Variants in CLPB observed in about 807,000 individuals in gnomAD.
CLPB encodes ClpB family mitochondrial disaggregase, also known as mitochondrial disaggregase.
Under a neutral mutation model 78.4 loss-of-function variants are expected in CLPB, and 40 were observed. The ratio of observed to expected loss-of-function variants is 0.51; its 90% CI spans 0.40 to 0.66. CLPB has a LOEUF of 0.66. Ranked by LOEUF, CLPB falls within the 30% of genes least tolerant of loss-of-function variation. CLPB has a pLI of 0.00. For synonymous variants in CLPB, 333 were observed against 348.0 expected (o/e 0.96, Z 0.48); for missense variants, 780 against 886.9 (o/e 0.88, Z 1.53).
intron 4 of CLPB, among the ~76,000 whole-genome samples, chr11:72,376,922 G>A (rs1287312567): frequency 6.6e-6 from 1 of 152,004 alleles, no homozygotes; most frequent in Non-Finnish European, 1.5e-5. Flanking sequence ...TGCTTGCCTC[G>A]GCCTCCCAAT....
At chr11:72,365,062 G>T (rs1194867211) in intron 4 of CLPB, among the ~76,000 whole-genome samples, 1 of 152,194 alleles carries the variant, frequency 6.6e-6, no homozygotes, top group African/African-American at 2.4e-5. Flanking sequence ...GCTCCTACCT[G>T]TAATCCCAGC....
At chr11:72,413,331 C>T (rs1254069475) in intron 2 of CLPB, among the ~76,000 whole-genome samples, 2 of 151,766 alleles carry the variant, frequency 1.3e-5, no homozygotes, top group Non-Finnish European at 2.9e-5. Flanking sequence ...AAATAAATAG[C>T]CTTCACTCAT....
intron 5 of CLPB, among the ~76,000 whole-genome samples, chr11:72,347,111 C>T (rs924416454): frequency 2.6e-5 from 4 of 151,244 alleles, no homozygotes; most frequent in South Asian, 2.1e-4. Context: ...ATGTGGAGTA[C>T]GTGCTGGAGT....
chr11:72,324,662 T>C lies in CLPB; in HGVS notation c.873+5045A>G, dbSNP rs779817013. On this transcript the variant is annotated intron_variant, in intron 6 of 15. Coordinates refer to ENST00000538039, the MANE Select transcript of CLPB (RefSeq NM_001258392.3). Reference sequence around the variant, plus strand: ...TTAGCACTGTATCTGGCCCATACCATAGTAAGCCACAGGGCCAAGTACAGA... The same window carrying C: ...TTAGCACTGTATCTGGCCCATACCACAGTAAGCCACAGGGCCAAGTACAGA... 5.2e-4 allele frequency among the ~76,000 whole-genome samples: 79 copies of C among 152,272 alleles called. No individual in the cohort carries two copies. In the Middle Eastern group the frequency reaches 0.01, roughly 20 times the overall value.
intron 4 of CLPB, among the ~76,000 whole-genome samples, chr11:72,378,581 T>A (rs1854795893): frequency 6.6e-6 from 1 of 152,194 alleles, no homozygotes; most frequent in African/African-American, 2.4e-5. Flanking sequence ...TTCTGGGAGA[T>A]AAATTCAAGT....
chr11:72,389,564 A>G (rs975003046), intron 3 of CLPB, among the ~76,000 whole-genome samples: 1 of 152,164 alleles, frequency 6.6e-6, no homozygotes, highest in Non-Finnish European at 1.5e-5. Context: ...ATGTTTTTCT[A>G]TATCAGGACA....
intron 9 of CLPB, among the ~76,000 whole-genome samples, chr11:72,305,465 A>G (rs1212366620): frequency 2.6e-5 from 4 of 152,270 alleles, no homozygotes; most frequent in Non-Finnish European, 5.9e-5. Flanking sequence ...AGCACACAGC[A>G]TCGTCACTTG....
intron 2 of CLPB, among the ~76,000 whole-genome samples, chr11:72,418,854 C>CAAAAAAA (rs913728201): frequency 1.3e-5 from 1 of 75,256 alleles, no homozygotes; most frequent in Admixed American, 1.6e-4. Context: ...ACTCCATCTC[C>CAAAAAAA]AAAAAAAAAA....
chr11:72,370,532 C>A (rs1951023045), intron 4 of CLPB, among the ~76,000 whole-genome samples: 1 of 152,154 alleles, frequency 6.6e-6, no homozygotes, highest in Non-Finnish European at 1.5e-5. Context: ...GGGGCTGTGA[C>A]ATTATTAAAA....
intron 6 of CLPB, among the ~76,000 whole-genome samples, chr11:72,320,410 G>A (rs1950023805): frequency 6.6e-6 from 1 of 152,164 alleles, no homozygotes; most frequent in Non-Finnish European, 1.5e-5. Context: ...GGTGACAGGT[G>A]GGGTGGGGAG....
chr11:72,429,830 C>T (rs535060993), intron 2 of CLPB, among the ~76,000 whole-genome samples: 1 of 152,222 alleles, frequency 6.6e-6, no homozygotes, highest in African/African-American at 2.4e-5. Flanking sequence ...AGTCTGTCCC[C>T]GGGCAAAGCC....
At chr11:72,376,091 T>C (rs1854690464) in intron 4 of CLPB, among the ~76,000 whole-genome samples, 2 of 152,186 alleles carry the variant, frequency 1.3e-5, no homozygotes. Context: ...GTGAACTTCC[T>C]GTGAATTTGC....
At chr11:72,340,737 T>C (rs1950404961) in intron 5 of CLPB, among the ~76,000 whole-genome samples, 1 of 152,238 alleles carries the variant, frequency 6.6e-6, no homozygotes, top group Non-Finnish European at 1.5e-5. Context: ...ATCATAGCTA[T>C]AATAACACAA....
Position 72,293,142 on chromosome 11 carries a change from C to A in CLPB, c.*225G>T. 1.9e-6 allele frequency: 1 copy of A among 534,084 alleles called. No individual in the cohort carries two copies. The highest frequency in any genetic ancestry group is 3.3e-6 in the Non-Finnish European group (1 of 300,488). 33.1% of individuals were successfully genotyped at this position (534,084 alleles called of 1,614,324 possible). On this transcript the variant is annotated 3_prime_UTR_variant, in exon 16 of 16. Coordinates refer to ENST00000538039, the MANE Select transcript of CLPB (RefSeq NM_001258392.3). The stretch of plus-strand genomic sequence containing the variant: ...GGAAAGGCAGCTCCTCTCCTGAAGG[C>A]TTGTTAGCAGGTTATGGGCCCACAA...
chr11:72,372,843 G>T, intron 4 of CLPB: 1 of 1,258,610 alleles, frequency 7.9e-7, no homozygotes, highest in Non-Finnish European at 1.2e-6. Context: ...AACTTATACT[G>T]AGTAAAAGAG....
At chr11:72,343,989 A>G (rs1950465247) in intron 5 of CLPB, among the ~76,000 whole-genome samples, 1 of 152,084 alleles carries the variant, frequency 6.6e-6, no homozygotes, top group Non-Finnish European at 1.5e-5. Flanking sequence ...GTTTGTCAGG[A>G]GAGGCCTCCT....
intron 4 of CLPB, among the ~76,000 whole-genome samples, chr11:72,367,539 G>A (rs1950966670): frequency 6.6e-6 from 1 of 152,118 alleles, no homozygotes; most frequent in African/African-American, 2.4e-5. Context: ...ATAAGTGGAA[G>A]CTAAACAATG....
chr11:72,401,036 G>A (rs192787052), intron 3 of CLPB, among the ~76,000 whole-genome samples: 120 of 152,312 alleles, frequency 7.9e-4, no homozygotes, highest in Non-Finnish European at 1.2e-3. Context: ...ATTAATTTCT[G>A]ATGAAGAAAC....
Position 72,290,011 on chromosome 11 carries a change from G to A in CLPB, c.*3356C>T, listed in dbSNP as rs974672423. The A allele has an allele frequency of 1.3e-5, 2 of 152,210 alleles. No individual in the cohort carries two copies. Among genetic ancestry groups the A allele is most frequent in the African/African-American group, 4.8e-5 (2 of 41,442 alleles). 9.4% of individuals were successfully genotyped at this position (152,210 alleles called of 1,614,324 possible). On this transcript the variant is annotated 3_prime_UTR_variant, in exon 16 of 16. Coordinates refer to ENST00000538039, the MANE Select transcript of CLPB (RefSeq NM_001258392.3). ...CTACAAGCAATGACACTCCGCCAAT[G>A]ATACTCTAGCCAGGAGTATATATTC... is the stretch of plus-strand genomic sequence containing the variant.
Sources: allele counts gnomAD v4.1 joint callset (sites outside exome capture counted in the v4.1 genomes callset), GRCh38; gene constraint gnomAD v4.1.1; transcripts MANE v1.5; gene names NCBI Gene and HGNC (gene_info 2026-07-23, HGNC 2026-07-21).